The following ELF1 variants were observed in gnomAD, a reference collection of about 807,000 sequenced individuals.
ELF1 encodes E74 like ETS transcription factor 1.
In ELF1, 24 loss-of-function variants were observed where a neutral mutation model predicts 59.9. That is an observed-to-expected ratio of 0.40 (90% CI 0.29 to 0.56). The LOEUF (loss-of-function observed/expected upper bound fraction) is 0.56. Ranked by LOEUF, ELF1 falls within the 20% of genes least tolerant of loss-of-function variation. ELF1 has a pLI of 0.44. For missense variants in ELF1, 627 were observed against 742.2 expected, an observed-to-expected ratio of 0.84 and a Z score of 1.80; for synonymous variants, 248 against 266.2, an observed-to-expected ratio of 0.93 and a Z score of 0.67.
chr13:41,026,612 T>C (rs143084757), intron 1 of ELF1, among the ~76,000 whole-genome samples: 43 of 152,294 alleles, frequency 2.8e-4, no homozygotes, highest in African/African-American at 9.9e-4. Flanking sequence ...CTGCAGATAA[T>C]ACTTCCCTTT....
In ELF1 at chr13:41,007,492, A is replaced by G. The variant is rs182271271; in HGVS notation, c.-229+11736T>C. The stretch of plus-strand genomic sequence containing the variant: ...TGCTGTAAAAATAAGGTTGCTATAC[A>G]AACATCCCTTAGCCTACTGGAGAAG... On this transcript the variant is annotated intron_variant, in intron 1 of 8. Coordinates refer to ENST00000239882, the MANE Select transcript of ELF1 (RefSeq NM_172373.4). Among the ~76,000 whole-genome samples the G allele has an allele frequency of 6.0e-4, 92 of 152,290 alleles. 1 individual carries two copies. The highest frequency in any genetic ancestry group is 2.2e-3 in the African/African-American group (92 of 41,562).
chr13:40,979,606 G>C (rs913720030), intron 2 of ELF1, among the ~76,000 whole-genome samples: 2 of 152,166 alleles, frequency 1.3e-5, no homozygotes, highest in Non-Finnish European at 2.9e-5. Flanking sequence ...ATAATGGGCT[G>C]CTCATGATGT....
chr13:40,952,826 C>A (rs1870940871), intron 3 of ELF1, among the ~76,000 whole-genome samples: 1 of 149,406 alleles, frequency 6.7e-6, no homozygotes, highest in Non-Finnish European at 1.5e-5. Context: ...CATCCATACC[C>A]CACTCACTGC....
In ELF1 at chr13:40,955,985, C is replaced by A. The variant is rs1179034600; in HGVS notation, c.253+2851G>T. Among the ~76,000 whole-genome samples the A allele has an allele frequency of 2.1e-5, 3 of 142,440 alleles. No individual in the cohort carries two copies. The East Asian group carries it at 6.2e-4, about 29-fold the overall frequency. The allele number at this position is 142,440 out of a possible 152,430, so 93.4% of individuals were successfully genotyped here. On this transcript the variant is annotated intron_variant, in intron 3 of 8. Coordinates refer to ENST00000239882, the MANE Select transcript of ELF1 (RefSeq NM_172373.4). Reference sequence around the variant, plus strand: ...CCCCCCGCCCGGCCAGCCGCCCCGTCCAGGAGGTGAGGGGCGCCTCTGCCT... The same window carrying A: ...CCCCCCGCCCGGCCAGCCGCCCCGTACAGGAGGTGAGGGGCGCCTCTGCCT...
At chr13:41,049,095 C>T (rs1198478367) in intron 1 of ELF1, among the ~76,000 whole-genome samples, 2 of 152,214 alleles carry the variant, frequency 1.3e-5, no homozygotes, top group Admixed American at 1.3e-4. Flanking sequence ...TACTCTTTCT[C>T]AGTTTTCTCT....
At chr13:41,039,006 C>CAAAA (rs11405097) in intron 1 of ELF1, among the ~76,000 whole-genome samples, 3 of 76,548 alleles carry the variant, frequency 3.9e-5, no homozygotes, top group African/African-American at 5.6e-5. Context: ...GAGACTTTGT[C>CAAAA]AAAAAAAAAA....
chr13:40,933,502 C>T lies in ELF1; in HGVS notation c.1783G>A (p.Val595Ile), dbSNP rs770653203. ...GTAAATCCATTGGAACTGGACACTA[C>T]CATCACATAAGGCTGTGGCTGCTGC... is the stretch of plus-strand genomic sequence containing the variant. Reference protein sequence around the residue: ...TEQQPQPYVMVVSSSNGFTSQ... With the variant: ...TEQQPQPYVMIVSSSNGFTSQ... The change falls in exon 9 of 9, where the codon GTA becomes ATA. Residue 595 changes from valine to isoleucine, a missense_variant. By Grantham distance (29) the Val-to-Ile change is conservative. Around this residue, in one of 3 missense-constraint regions of ELF1, gnomAD observed 361 missense variants for 396.1 expected, o/e 0.91. Transcript: ENST00000239882. 2 of 1,614,112 alleles carry T rather than the reference C, an allele frequency of 1.2e-6. No homozygotes were observed. The highest frequency in any genetic ancestry group is 3.3e-5 in the Admixed American group (2 of 60,006).
intron 1 of ELF1, among the ~76,000 whole-genome samples, chr13:41,050,483 T>C (rs1457536253): frequency 6.6e-6 from 1 of 152,220 alleles, no homozygotes; most frequent in Non-Finnish European, 1.5e-5. Flanking sequence ...CATACAAATA[T>C]CTCTGAGACC....
chr13:40,998,616 G>A (rs1347153263), intron 1 of ELF1, among the ~76,000 whole-genome samples: 3 of 152,062 alleles, frequency 2.0e-5, no homozygotes. Context: ...ACAAATCTTA[G>A]ATAGAAGCAA....
intron 1 of ELF1, among the ~76,000 whole-genome samples, chr13:41,053,015 A>G (rs7320855): frequency 0.99 from 151,216 of 152,318 alleles, 75,073 homozygotes; most frequent in Middle Eastern, 1. Flanking sequence ...AGTTTATTGC[A>G]TTTGTCACAC....
At chr13:40,969,741 G>T (rs1256409933) in intron 2 of ELF1, among the ~76,000 whole-genome samples, 4 of 152,124 alleles carry the variant, frequency 2.6e-5, no homozygotes, top group Non-Finnish European at 5.9e-5. Flanking sequence ...CTCTGTCAGT[G>T]AGACTCCAGG....
At chr13:40,988,892 G>A (rs1043151629) in intron 1 of ELF1, among the ~76,000 whole-genome samples, 2 of 152,114 alleles carry the variant, frequency 1.3e-5, no homozygotes, top group African/African-American at 4.8e-5. Context: ...CCTCCGCCTG[G>A]GTTCAAGTGA....
intron 1 of ELF1, chr13:40,993,170 G>A (rs1873954081): frequency 6.6e-7 from 1 of 1,504,262 alleles, no homozygotes; most frequent in African/African-American, 1.4e-5. Flanking sequence ...TAGTGTGTGT[G>A]GTTCTTCCTG....
intron 3 of ELF1, among the ~76,000 whole-genome samples, chr13:40,957,549 C>T (rs924006801): frequency 1.3e-5 from 2 of 151,940 alleles, no homozygotes; most frequent in African/African-American, 4.8e-5. Context: ...TGTAGCACCC[C>T]CTACCACCCT....
intron 2 of ELF1, among the ~76,000 whole-genome samples, chr13:40,964,575 C>T (rs1194161250): frequency 5.3e-5 from 8 of 152,054 alleles, no homozygotes; most frequent in African/African-American, 1.9e-4. Flanking sequence ...CCCTCTGTCA[C>T]CTAGGCTGGA....
chr13:41,032,070 A>G (rs1876188228), intron 1 of ELF1, among the ~76,000 whole-genome samples: 1 of 152,078 alleles, frequency 6.6e-6, no homozygotes, highest in South Asian at 2.1e-4. Flanking sequence ...AAAAAGGGTC[A>G]TCTTAAATAC....
At chr13:41,037,490 T>A (rs1004342197) in intron 1 of ELF1, among the ~76,000 whole-genome samples, 1 of 152,198 alleles carries the variant, frequency 6.6e-6, no homozygotes, top group African/African-American at 2.4e-5. Context: ...CTCAAAAATA[T>A]TTTGAACTTT....
chr13:40,992,952 AC>A, intron 1 of ELF1: 1 of 829,312 alleles, frequency 1.2e-6, no homozygotes, highest in Non-Finnish European at 2.0e-6. Flanking sequence ...TTCTTTGATT[AC>A]TTTTTTGTTC....
At chr13:40,984,938 A>T (rs1873473947) in intron 1 of ELF1, among the ~76,000 whole-genome samples, 1 of 152,224 alleles carries the variant, frequency 6.6e-6, no homozygotes, top group African/African-American at 2.4e-5. Context: ...AATCTAAAAA[A>T]TCAGGATAAG....
Sources: allele counts gnomAD v4.1 joint callset (sites outside exome capture counted in the v4.1 genomes callset), GRCh38; gene constraint gnomAD v4.1.1; regional missense constraint gnomAD v4.1.1; transcripts MANE v1.5; gene names NCBI Gene and HGNC (gene_info 2026-07-23, HGNC 2026-07-21).